Variants in DNASE1L2 observed in about 807,000 individuals in gnomAD.
The protein encoded by DNASE1L2 is deoxyribonuclease 1 like 2.
Under a neutral mutation model 31.8 loss-of-function variants are expected in DNASE1L2, and 35 were observed. The observed-to-expected ratio is 1.10, with a 90% confidence interval of 0.84 to 1.46. The LOEUF (loss-of-function observed/expected upper bound fraction) is 1.46. Among genes scored for constraint, DNASE1L2 ranks in the 40% most tolerant of loss-of-function variants. The pLI, the probability that DNASE1L2 is intolerant of heterozygous loss-of-function variation, is 0.00. For missense variants in DNASE1L2, 504 were observed against 418.8 expected (o/e 1.20, Z -1.77); for synonymous variants, 211 against 186.5 (o/e 1.13, Z -1.07).
chr16:2,236,971 G>C lies in DNASE1L2; in HGVS notation c.144+11G>C. On this transcript the variant is annotated intron_variant, in intron 2 of 6. Coordinates refer to ENST00000320700, the MANE Select transcript of DNASE1L2 (RefSeq NM_001374.3). ...AGCATCATCGCGAAGGTGGGGCCCG[G>C]GCCGGGGCGGGGCGGCGTTTAGGGG... 1.3e-6 allele frequency: 2 copies of C among 1,551,134 alleles called. No homozygotes were observed. Among genetic ancestry groups the C allele is most frequent in the Non-Finnish European group, 1.7e-6 (2 of 1,148,018 alleles).
In DNASE1L2 at chr16:2,237,285, T is replaced by C. The variant is rs1465927622; in HGVS notation, c.301T>C (p.Tyr101His). Reference sequence around the variant, plus strand: ...GGGCCGGGACCAGTACAAGGAGATGTACCTGTTCGTGTACAGGTGAGGGGC... The same window carrying C: ...GGGCCGGGACCAGTACAAGGAGATGCACCTGTTCGTGTACAGGTGAGGGGC... ...PLGRDQYKEM[Y>H]LFVYRKDAVS... Residue 101 changes from tyrosine (Y) to histidine (H), a missense_variant, in exon 4 of 7, where the codon TAC becomes CAC. Physicochemically the swap from Tyr to His is moderately conservative, Grantham distance 83. Coordinates refer to ENST00000320700, the MANE Select transcript of DNASE1L2 (RefSeq NM_001374.3). The C allele has an allele frequency of 2.5e-6, 4 of 1,589,192 alleles. No homozygotes were observed. The South Asian group carries it at 3.4e-5, about 14-fold the overall frequency.
At position 2,237,124 on chromosome 16, in the gene DNASE1L2, C is replaced by T. The variant is rs1323785514; in HGVS notation, c.231C>T (p.Asn77=). The change falls in exon 3 of 7, where the codon AAC becomes AAT. Residue 77 remains asparagine (N), a splice_region_variant and synonymous_variant. Coordinates refer to ENST00000320700, the MANE Select transcript of DNASE1L2 (RefSeq NM_001374.3). ...TGTCCGCGCTCATGGAGCAGATCAACAGGTGTGGTGGGCAGGGCCCCTCGT... is the reference window on the plus strand; with the variant it reads ...TGTCCGCGCTCATGGAGCAGATCAATAGGTGTGGTGGGCAGGGCCCCTCGT... ...SAVSALMEQI[N]SVSEHEYSFV... The T allele has an allele frequency of 1.2e-5, 18 of 1,549,860 alleles. No individual in the cohort carries two copies. The South Asian group carries it at 2.1e-4, about 18-fold the overall frequency.
rs1266654672 is a variant in DNASE1L2, at chr16:2,236,922, A to G, written c.106A>G (p.Lys36Glu). 5.1e-6 allele frequency: 8 copies of G among 1,581,734 alleles called. No individual in the cohort carries two copies. The highest frequency in any genetic ancestry group is 2.3e-5 in the South Asian group (2 of 87,330). The change falls in exon 2 of 7, where the codon AAA (lysine) becomes GAA (glutamate). Residue 36 changes from lysine to glutamate, a missense_variant. By Grantham distance (56) the Lys-to-Glu change is moderately conservative (BLOSUM62 1). Coordinates refer to ENST00000320700, the MANE Select transcript of DNASE1L2 (RefSeq NM_001374.3). The stretch of plus-strand genomic sequence containing the variant: ...CAACATTCAGAGCTTCGGTGACAGC[A>G]AAGTGTCGGACCCCGCTTGCGGCAG... The part of the protein sequence containing the change: ...AFNIQSFGDS[K>E]VSDPACGSII...
intron 6 of DNASE1L2, 102 bp from the exon 7 acceptor site, chr16:2,238,260 C>CG: frequency 6.6e-7 from 1 of 1,519,062 alleles, no homozygotes; most frequent in African/African-American, 1.4e-5. Flanking sequence ...GCCCCTGCCC[C>CG]ACCGCAGGCA....
chr16:2,236,710 A>C, intron 1 of DNASE1L2, 68 bp from the exon 2 acceptor site: 1 of 1,434,854 alleles, frequency 7.0e-7, no homozygotes, highest in Non-Finnish European at 9.1e-7. Flanking sequence ...TCCGCGTCGC[A>C]CTGGCCGTCA....
intron 5 of DNASE1L2, 26 bp downstream of exon 5, chr16:2,237,675 T>G (rs1368781687): frequency 6.3e-7 from 1 of 1,589,714 alleles, no homozygotes; most frequent in African/African-American, 1.3e-5. Context: ...GGTCCCGGGG[T>G]CCCTGCAGGC....
Position 2,238,697 on chromosome 16 carries a change from C to T in DNASE1L2, c.*279C>T, listed in dbSNP as rs563281136. 2.4e-4 allele frequency: 116 copies of T among 484,128 alleles called. No homozygotes were observed. Among genetic ancestry groups the T allele is most frequent in the Non-Finnish European group, 4.0e-4 (105 of 262,996 alleles). 30.0% of individuals were successfully genotyped at this position (484,128 alleles called of 1,614,324 possible). A position where few individuals can be genotyped will look rare whatever the true frequency, so the allele number is the denominator to read the frequency against. ...GTCTGCTCAATAAATGAGCTGCTCC[C>T]GGTCGGGCCCCACAGCTTGGCTCCC... On this transcript the variant is annotated 3_prime_UTR_variant, in exon 7 of 7. Transcript: ENST00000320700.
chr16:2,238,528 T>C lies in DNASE1L2; in HGVS notation c.*110T>C, dbSNP rs779916878. ...CCTTCAGTGAGGCCCCAAGGCAGAG[T>C]CGGCTGGGCGTGGACCAGGGGCCAT... On this transcript the variant is annotated 3_prime_UTR_variant, in exon 7 of 7. Coordinates refer to ENST00000320700, the MANE Select transcript of DNASE1L2 (RefSeq NM_001374.3). The C allele has an allele frequency of 4.4e-6, 6 of 1,372,804 alleles. No homozygotes were observed. The highest frequency in any genetic ancestry group is 5.1e-6 in the Non-Finnish European group (5 of 972,318). 85.0% of individuals were successfully genotyped at this position (1,372,804 alleles called of 1,614,324 possible).
At position 2,237,756 on chromosome 16, in the gene DNASE1L2, G is replaced by A. The variant is rs1413262573; in HGVS notation, c.592-11G>A. 1.3e-6 allele frequency: 2 copies of A among 1,599,630 alleles called. No individual in the cohort carries two copies. The highest frequency in any genetic ancestry group is 1.3e-5 in the African/African-American group (1 of 74,486). On this transcript the variant is annotated splice_polypyrimidine_tract_variant and intron_variant, in intron 5 of 6. Coordinates refer to ENST00000320700, the MANE Select transcript of DNASE1L2 (RefSeq NM_001374.3). ...TGCGGCGGCTCAGACACGGCTCCGC[G>A]GCGCCCGCAGGACATGCTGTTCCTG... is the stretch of plus-strand genomic sequence containing the variant.
At position 2,237,368 on chromosome 16, in the gene DNASE1L2, T is replaced by A; in HGVS notation, c.318-8T>A. On this transcript the variant is annotated splice_polypyrimidine_tract_variant and splice_region_variant and intron_variant, in intron 4 of 6. Coordinates refer to ENST00000320700, the MANE Select transcript of DNASE1L2 (RefSeq NM_001374.3). Reference sequence around the variant, plus strand: ...TCGGGGGCTCAGCGGGTCCTCCCCATCTCCTAGGAAAGACGCGGTGTCGGT... The same window carrying A: ...TCGGGGGCTCAGCGGGTCCTCCCCAACTCCTAGGAAAGACGCGGTGTCGGT... The A allele has an allele frequency of 2.5e-6, 4 of 1,602,328 alleles. No homozygotes were observed. Among genetic ancestry groups the A allele is most frequent in the Middle Eastern group, 3.3e-4 (2 of 6,052 alleles).
intron 6 of DNASE1L2, 139 bp from the exon 7 acceptor site, chr16:2,238,223 G>A (rs27620): frequency 0.49 from 700,897 of 1,419,724 alleles, 175,354 homozygotes; most frequent in East Asian, 0.56. Context: ...CAAAGGGCCA[G>A]TGGTGACACC....
At position 2,237,304 on chromosome 16, in the gene DNASE1L2, G is replaced by A; in HGVS notation, c.317+3G>A. On this transcript the variant is annotated splice_donor_region_variant and intron_variant, in intron 4 of 6. Coordinates refer to ENST00000320700, the MANE Select transcript of DNASE1L2 (RefSeq NM_001374.3). ...GAGATGTACCTGTTCGTGTACAGGT[G>A]AGGGGCGGGCCGCAGGGAGGGGCGC... 3 of 1,587,948 alleles carry A rather than the reference G, an allele frequency of 1.9e-6. No individual in the cohort carries two copies. Among genetic ancestry groups the A allele is most frequent in the Non-Finnish European group, 8.6e-7 (1 of 1,168,286 alleles).
In DNASE1L2 at chr16:2,236,802, C is replaced by T; in HGVS notation, c.-15C>T. The T allele has an allele frequency of 6.3e-7, 1 of 1,589,356 alleles. No homozygotes were observed. The highest frequency in any genetic ancestry group is 2.3e-5 in the East Asian group (1 of 44,274). ...GGCGGCAGCGTCTGTCCCTCCCAGC[C>T]TCTCGCTCCGCGCCATGGGCGGGCC... On this transcript the variant is annotated 5_prime_UTR_variant, in exon 2 of 7. Transcript: ENST00000320700.
In DNASE1L2 at chr16:2,237,665, G is replaced by C; in HGVS notation, c.591+16G>C. 3.8e-6 allele frequency: 6 copies of C among 1,590,138 alleles called. No homozygotes were observed. Among genetic ancestry groups the C allele is most frequent in the Non-Finnish European group, 5.1e-6 (6 of 1,165,490 alleles). The stretch of plus-strand genomic sequence containing the variant: ...GGGCACCGACGTAAGCCCACCCCTC[G>C]GTCCCGGGGTCCCTGCAGGCGCGCC... On this transcript the variant is annotated intron_variant, in intron 5 of 6. Transcript: ENST00000320700.
At position 2,236,495 on chromosome 16, in the gene DNASE1L2, G is replaced by T. The variant is rs1160272693; in HGVS notation, c.-105G>T. On this transcript the variant is annotated 5_prime_UTR_variant, in exon 1 of 7. Transcript: ENST00000320700. ...CAGTCCTGTGTCGGACACGCCCGCA[G>T]CCTGGACCCGGGATCCCCATCCCCC... 1.2e-5 allele frequency: 14 copies of T among 1,163,938 alleles called. No individual in the cohort carries two copies. Among genetic ancestry groups the T allele is most frequent in the Non-Finnish European group, 1.4e-5 (13 of 944,168 alleles). 72.1% of individuals were successfully genotyped at this position (1,163,938 alleles called of 1,614,324 possible). A position where few individuals can be genotyped will look rare whatever the true frequency, so the allele number is the denominator to read the frequency against.
intron 1 of DNASE1L2, 102 bp downstream of exon 1, chr16:2,236,662 A>G: frequency 7.1e-7 from 1 of 1,404,410 alleles, no homozygotes; most frequent in South Asian, 1.6e-5. Flanking sequence ...CTGAGAGCCC[A>G]GCAGTGCCCT....
rs1427782463 is a variant in DNASE1L2 at position 2,237,281 on chromosome 16, G to A, written c.297G>A (p.Glu99=). 6.3e-7 allele frequency: 1 copy of A among 1,590,074 alleles called. No homozygotes were observed. Among genetic ancestry groups the A allele is most frequent in the Admixed American group, 1.8e-5 (1 of 56,002 alleles). ...CCCTGGGCCGGGACCAGTACAAGGAGATGTACCTGTTCGTGTACAGGTGAG... is the reference window on the plus strand; with the variant it reads ...CCCTGGGCCGGGACCAGTACAAGGAAATGTACCTGTTCGTGTACAGGTGAG... The part of the protein sequence containing the change: ...SQPLGRDQYK[E]MYLFVYRKDA... The change falls in exon 4 of 7, where the codon GAG becomes GAA. Residue 99 remains glutamate, a synonymous_variant. Transcript: ENST00000320700.
rs1020191515 is a variant in DNASE1L2 at position 2,237,142 on chromosome 16, C to T, written c.233+16C>T. 4 of 1,547,786 alleles carry T rather than the reference C, an allele frequency of 2.6e-6. No individual in the cohort carries two copies. Among genetic ancestry groups the T allele is most frequent in the South Asian group, 1.2e-5 (1 of 84,126 alleles). On this transcript the variant is annotated intron_variant, in intron 3 of 6. Coordinates refer to ENST00000320700, the MANE Select transcript of DNASE1L2 (RefSeq NM_001374.3). ...AGATCAACAGGTGTGGTGGGCAGGG[C>T]CCCTCGTCGCGACCCCCCGCCGGGA...
Position 2,237,048 on chromosome 16 carries a change from G to C in DNASE1L2, c.155G>C (p.Gly52Ala), listed in dbSNP as rs778527259. Residue 52 changes from glycine (G) to alanine (A), a missense_variant, in exon 3 of 7, where the codon GGC (glycine) becomes GCC (alanine). Transcript: ENST00000320700. The stretch of plus-strand genomic sequence containing the variant: ...GCCGCTCCTCCCCAGATCCTGGCTG[G>C]CTATGACCTCGCGCTGGTGCAGGAG... ...CGSIIAKILA[G>A]YDLALVQEVR... 6.5e-7 allele frequency: 1 copy of C among 1,549,390 alleles called. No individual in the cohort carries two copies. Among genetic ancestry groups the C allele is most frequent in the South Asian group, 1.2e-5 (1 of 84,132 alleles).
Sources: allele counts gnomAD v4.1 joint callset, GRCh38; gene constraint gnomAD v4.1.1; transcripts MANE v1.5; gene names NCBI Gene and HGNC (gene_info 2026-07-23, HGNC 2026-07-21).